FNIP1: variants seen among roughly 807,000 people sequenced by gnomAD.
The protein encoded by FNIP1 is folliculin interacting protein 1, also known as folliculin-interacting protein 1.
FNIP1 carries 40 observed loss-of-function variants against 124.5 expected under a neutral mutation model. The ratio of observed to expected loss-of-function variants is 0.32; its 90% CI spans 0.25 to 0.42. The LOEUF (loss-of-function observed/expected upper bound fraction) is 0.42. Ranked by LOEUF, FNIP1 falls within the 10% of genes least tolerant of loss-of-function variation. The probability of loss-of-function intolerance (pLI) is 1.00; values close to 1 mark genes in which losing one functional copy is unlikely to be tolerated. For missense variants in FNIP1, 1,176 were observed against 1,403.7 expected, an observed-to-expected ratio of 0.84 and a Z score of 2.59; for synonymous variants, 472 against 470.6, an observed-to-expected ratio of 1.00 and a Z score of -0.04.
chr5:131,691,293 G>C (rs144902040), intron 11 of FNIP1, among the ~76,000 whole-genome samples: 56 of 152,096 alleles, frequency 3.7e-4, no homozygotes, highest in African/African-American at 1.3e-3. Flanking sequence ...AAAATATTTT[G>C]AACTAAATGT....
In FNIP1 at chr5:131,785,049, CT is replaced by C. The variant is rs1177001299; in HGVS notation, c.92+11780del. Among the ~76,000 whole-genome samples, 18 of 30,020 alleles carry C rather than the reference CT, an allele frequency of 6.0e-4. 1 individual carries two copies. In the South Asian group the frequency reaches 8.8e-3, roughly 15 times the overall value. The allele number at this position is 30,020 out of a possible 152,430, so 19.7% of individuals were successfully genotyped here. A position where few individuals can be genotyped will look rare whatever the true frequency, so the allele number is the denominator to read the frequency against. On this transcript the variant is annotated intron_variant, in intron 1 of 17. Transcript: ENST00000510461. ...TATGACATATATATGATATATATGA[CT>C]ATATATATCATATATATGATATATA...
intron 2 of FNIP1, among the ~76,000 whole-genome samples, chr5:131,734,842 T>C (rs371576579): frequency 1.1e-4 from 17 of 152,154 alleles, no homozygotes; most frequent in East Asian, 5.8e-4. Flanking sequence ...GAAATAGGAA[T>C]GCTTTTACAC....
intron 2 of FNIP1, among the ~76,000 whole-genome samples, chr5:131,732,767 C>T (rs1483617807): frequency 4.6e-5 from 7 of 152,258 alleles, no homozygotes; most frequent in Non-Finnish European, 4.4e-5. Flanking sequence ...TAGCATGATG[C>T]CTCCAGCTTT....
At chr5:131,688,517 C>T (rs140796058) in intron 11 of FNIP1, among the ~76,000 whole-genome samples, 1 of 151,624 alleles carries the variant, frequency 6.6e-6, no homozygotes, top group African/African-American at 2.4e-5. Context: ...CAGAATCAAA[C>T]TCAAATTTGG....
rs2149520364 is a variant in FNIP1, at chr5:131,683,031, T to C, written c.1203-3856A>G. On this transcript the variant is annotated intron_variant, in intron 11 of 17. Transcript: ENST00000510461. ...TTCCTGCTTCTCTAGCTTTCATGGT[T>C]TCTGTACACATGTAAATAATTTCCT... Among the ~76,000 whole-genome samples, 3 of 152,332 alleles carry C rather than the reference T, an allele frequency of 2.0e-5. No individual in the cohort carries two copies. In the South Asian group the frequency reaches 6.2e-4, roughly 32 times the overall value.
Position 131,643,682 on chromosome 5 carries a change from G to A in FNIP1, c.*1003C>T, listed in dbSNP as rs1291963522. The stretch of plus-strand genomic sequence containing the variant: ...AATAATTTTAAGAGTTATGAATAGT[G>A]TAAATTGAGGATTATTAAGCAGTGA... On this transcript the variant is annotated 3_prime_UTR_variant, in exon 18 of 18. Transcript: ENST00000510461. 1 of 152,686 alleles carries A rather than the reference G, an allele frequency of 6.5e-6. No homozygotes were observed. Among genetic ancestry groups the A allele is most frequent in the Non-Finnish European group, 1.5e-5 (1 of 68,032 alleles). The allele number at this position is 152,686 out of a possible 1,614,324, so 9.5% of individuals were successfully genotyped here. A position where few individuals can be genotyped will look rare whatever the true frequency, so the allele number is the denominator to read the frequency against.
intron 1 of FNIP1, 54 bp from the exon 2 acceptor site, chr5:131,744,744 A>C: frequency 7.6e-6 from 11 of 1,447,716 alleles, no homozygotes; most frequent in African/African-American, 1.4e-5. Context: ...ATTAATAAAT[A>C]TTCCATATAC....
chr5:131,783,140 CA>C (rs2149585260), intron 1 of FNIP1, among the ~76,000 whole-genome samples: 1 of 152,304 alleles, frequency 6.6e-6, no homozygotes, highest in East Asian at 1.9e-4. Flanking sequence ...ATTGAACATG[CA>C]ATATCACCTG....
intron 1 of FNIP1, among the ~76,000 whole-genome samples, chr5:131,789,716 T>C (rs549880105): frequency 6.6e-6 from 1 of 152,370 alleles, no homozygotes; most frequent in East Asian, 1.9e-4. Flanking sequence ...ACTCACTCTA[T>C]CATTTTTTAA....
chr5:131,721,814 G>C (rs973507961), intron 3 of FNIP1, among the ~76,000 whole-genome samples: 1 of 152,102 alleles, frequency 6.6e-6, no homozygotes, highest in South Asian at 2.1e-4. Context: ...ATAATGTCTT[G>C]TTTCCAAAGA....
chr5:131,733,266 A>G (rs992064263), intron 2 of FNIP1, among the ~76,000 whole-genome samples: 2 of 152,224 alleles, frequency 1.3e-5, no homozygotes, highest in Admixed American at 6.5e-5. Flanking sequence ...CAATCATGTC[A>G]TCTGCAAACA....
Position 131,715,769 on chromosome 5 carries a change from A to G in FNIP1, c.622+796T>C, listed in dbSNP as rs540873471. Among the ~76,000 whole-genome samples the G allele has an allele frequency of 1.1e-4, 16 of 152,244 alleles. No homozygotes were observed. The South Asian group carries it at 3.3e-3, about 32-fold the overall frequency. On this transcript the variant is annotated intron_variant, in intron 6 of 17. Coordinates refer to ENST00000510461, the MANE Select transcript of FNIP1 (RefSeq NM_133372.3). ...GCTCATTTGAATAAACACAAATTAT[A>G]AAAAATAAATAATAGGATGTCATAC...
chr5:131,660,790 G>A (rs1023229075), intron 15 of FNIP1, among the ~76,000 whole-genome samples: 1 of 152,280 alleles, frequency 6.6e-6, no homozygotes, highest in Non-Finnish European at 1.5e-5. Context: ...ACCTGCCCAC[G>A]GTGTGGTAGT....
At chr5:131,716,200 G>A (rs1012534209) in intron 6 of FNIP1, among the ~76,000 whole-genome samples, 32 of 152,188 alleles carry the variant, frequency 2.1e-4, no homozygotes, top group Admixed American at 1.3e-4. Flanking sequence ...ATGGAAGACA[G>A]AAGGAAGAAG....
chr5:131,750,002 A>C (rs1372952128), intron 1 of FNIP1, among the ~76,000 whole-genome samples: 1 of 152,172 alleles, frequency 6.6e-6, no homozygotes, highest in African/African-American at 2.4e-5. Context: ...AGAAAACATA[A>C]GATTTCCAGG....
chr5:131,726,548 C>A (rs931327374), intron 3 of FNIP1, among the ~76,000 whole-genome samples: 2 of 152,148 alleles, frequency 1.3e-5, no homozygotes, highest in Non-Finnish European at 2.9e-5. Flanking sequence ...TTATTTGATT[C>A]TTTTCTCTTT....
chr5:131,705,184 G>C lies in FNIP1; in HGVS notation c.915-918C>G, dbSNP rs114508576. 4.6e-3 allele frequency among the ~76,000 whole-genome samples: 696 copies of C among 152,036 alleles called. 5 individuals are homozygous for C. Among genetic ancestry groups the C allele is most frequent in the African/African-American group, 0.015 (627 of 41,480 alleles). On this transcript the variant is annotated intron_variant, in intron 9 of 17. Transcript: ENST00000510461. ...ATAGCCAATAAGCACAAGAAAAGATGATCAAGTCAGATGTGGTGCCTCATG... is the reference window on the plus strand; with the variant it reads ...ATAGCCAATAAGCACAAGAAAAGATCATCAAGTCAGATGTGGTGCCTCATG...
At chr5:131,702,471 T>TA (rs1768935971) in intron 10 of FNIP1, among the ~76,000 whole-genome samples, 1 of 152,088 alleles carries the variant, frequency 6.6e-6, no homozygotes, top group Admixed American at 6.5e-5. Flanking sequence ...ACAATATGCA[T>TA]AAAAAAGGCC....
intron 1 of FNIP1, among the ~76,000 whole-genome samples, chr5:131,784,490 T>C (rs1772095901): frequency 6.6e-6 from 1 of 152,130 alleles, no homozygotes; most frequent in South Asian, 2.1e-4. Flanking sequence ...AAATAATAAA[T>C]AAATCAATAA....
Sources: allele counts gnomAD v4.1 joint callset (sites outside exome capture counted in the v4.1 genomes callset), GRCh38; gene constraint gnomAD v4.1.1; transcripts MANE v1.5; gene names NCBI Gene and HGNC (gene_info 2026-07-23, HGNC 2026-07-21).